The following CHN2 variants were observed in gnomAD, a reference collection of about 807,000 sequenced individuals.
CHN2 encodes the protein chimerin 2.
CHN2 carries 35 observed loss-of-function variants against 56.3 expected under a neutral mutation model. The ratio of observed to expected loss-of-function variants is 0.62; its 90% confidence interval spans 0.47 to 0.82. The LOEUF is 0.82. CHN2 is among the 40% of genes least tolerant of loss of function. The pLI, the probability that CHN2 is intolerant of heterozygous loss-of-function variation, is 0.00. For missense variants in CHN2, 491 were observed against 580.5 expected (o/e 0.85, Z 1.58); for synonymous variants, 210 against 212.8 (o/e 0.99, Z 0.12).
intron 6 of CHN2, among the ~76,000 whole-genome samples, chr7:29,406,168 G>A (rs1216578316): frequency 6.6e-6 from 1 of 152,222 alleles, no homozygotes; most frequent in African/African-American, 2.4e-5. Flanking sequence ...TTTGCAGCCT[G>A]TTTAAGCCTG....
chr7:29,169,805 C>A (rs6960856), intron 2 of CHN2, among the ~76,000 whole-genome samples: 2,375 of 151,610 alleles, frequency 0.016, 59 homozygotes, highest in African/African-American at 0.052. Context: ...TCCATGGCTA[C>A]CTGGCAGGGA....
chr7:29,341,357 A>G (rs1362448957), intron 1 of CHN2, among the ~76,000 whole-genome samples: 1 of 152,184 alleles, frequency 6.6e-6, no homozygotes, highest in Non-Finnish European at 1.5e-5. Context: ...CATTCTTGAT[A>G]TGAATTACTA....
At chr7:29,363,018 C>T (rs574863286) in intron 2 of CHN2, among the ~76,000 whole-genome samples, 1 of 152,306 alleles carries the variant, frequency 6.6e-6, no homozygotes, top group African/African-American at 2.4e-5. Flanking sequence ...GAAAAGTGAA[C>T]AGGATTCTCT....
chr7:29,171,825 AGTT>A (rs1414421046), intron 2 of CHN2, among the ~76,000 whole-genome samples: 1 of 152,314 alleles, frequency 6.6e-6, no homozygotes, highest in South Asian at 2.1e-4. Context: ...TAAGAAATGA[AGTT>A]GTTGTAGCTG....
At chr7:29,172,537 G>A (rs1796739263) in intron 2 of CHN2, among the ~76,000 whole-genome samples, 2 of 152,126 alleles carry the variant, frequency 1.3e-5, no homozygotes, top group African/African-American at 4.8e-5. Flanking sequence ...GATTTCCCTT[G>A]CAGTTGGGAA....
chr7:29,418,111 C>T lies in CHN2; in HGVS notation c.576+17283C>T, dbSNP rs1490000543. Among the ~76,000 whole-genome samples the T allele has an allele frequency of 2.6e-5, 4 of 152,200 alleles. No individual in the cohort carries two copies. In the East Asian group the frequency reaches 7.7e-4, roughly 29 times the overall value. ...TTGTTGGTTTTGAACGGTGCTATTT[C>T]CAAGACAAAATGAGCCTCCACGTCG... On this transcript the variant is annotated intron_variant, in intron 6 of 12. Transcript: ENST00000222792.
At chr7:29,265,916 C>T (rs1256287217) in intron 1 of CHN2, among the ~76,000 whole-genome samples, 4 of 152,182 alleles carry the variant, frequency 2.6e-5, no homozygotes, top group Non-Finnish European at 5.9e-5. Context: ...AGACCCAGTA[C>T]AGTAAGCTGA....
chr7:29,504,502 G>T (rs1055431835), intron 9 of CHN2, among the ~76,000 whole-genome samples: 15 of 152,146 alleles, frequency 9.9e-5, no homozygotes, highest in Admixed American at 9.8e-4. Context: ...GCAAAGCAGG[G>T]AAGGATGAAG....
chr7:29,177,654 A>G (rs766768409), intron 2 of CHN2, among the ~76,000 whole-genome samples: 5 of 148,298 alleles, frequency 3.4e-5, no homozygotes, highest in African/African-American at 7.5e-5. Context: ...CTGTCCATCT[A>G]TTAATATCTA....
At chr7:29,363,036 G>A (rs988938080) in intron 2 of CHN2, among the ~76,000 whole-genome samples, 1 of 152,222 alleles carries the variant, frequency 6.6e-6, no homozygotes, top group African/African-American at 2.4e-5. Context: ...TCTCGCTGTG[G>A]ATTCTATAGT....
chr7:29,200,224 A>C (rs1784042084), intron 1 of CHN2: 1 of 152,164 alleles, frequency 6.6e-6, no homozygotes, highest in African/African-American at 2.4e-5. Flanking sequence ...TCTTTTATGA[A>C]TGTATGTATT....
At chr7:29,349,866 A>G (rs1797747122) in intron 1 of CHN2, among the ~76,000 whole-genome samples, 1 of 152,102 alleles carries the variant, frequency 6.6e-6, no homozygotes, top group African/African-American at 2.4e-5. Context: ...TATTTCTTCA[A>G]AATGTTTAAC....
chr7:29,301,488 A>G (rs1793658060), intron 1 of CHN2, among the ~76,000 whole-genome samples: 1 of 151,992 alleles, frequency 6.6e-6, no homozygotes, highest in South Asian at 2.1e-4. Flanking sequence ...TTGTGTCCTG[A>G]ACGCTGGATG....
chr7:29,331,394 G>A (rs1796199441), intron 1 of CHN2, among the ~76,000 whole-genome samples: 1 of 152,226 alleles, frequency 6.6e-6, no homozygotes, highest in Non-Finnish European at 1.5e-5. Flanking sequence ...CCTGGGGACG[G>A]CTAGAGCCAC....
intron 1 of CHN2, among the ~76,000 whole-genome samples, chr7:29,246,074 G>A (rs947021074): frequency 2.6e-5 from 4 of 152,148 alleles, no homozygotes; most frequent in African/African-American, 4.8e-5. Flanking sequence ...AACATCCATA[G>A]AGCACTTGGC....
chr7:29,355,589 A>T (rs1332901145), intron 2 of CHN2, among the ~76,000 whole-genome samples: 2 of 151,638 alleles, frequency 1.3e-5, no homozygotes, highest in African/African-American at 4.8e-5. Context: ...TGGTAGGAGG[A>T]GCCCACTGTG....
chr7:29,418,719 G>C (rs569078754), intron 6 of CHN2, among the ~76,000 whole-genome samples: 11 of 152,282 alleles, frequency 7.2e-5, no homozygotes, highest in African/African-American at 2.6e-4. Context: ...GAGGTGGAAA[G>C]ACCAGGACTC....
intron 6 of CHN2, among the ~76,000 whole-genome samples, chr7:29,464,168 C>T (rs1017882695): frequency 2.0e-5 from 3 of 152,066 alleles, no homozygotes; most frequent in Admixed American, 2.0e-4. Context: ...TTTATTGAGC[C>T]CTTATTTTGT....
intron 9 of CHN2, among the ~76,000 whole-genome samples, chr7:29,503,428 T>C (rs964884351): frequency 2.6e-5 from 4 of 152,158 alleles, no homozygotes; most frequent in Non-Finnish European, 5.9e-5. Flanking sequence ...GCAGTGCATG[T>C]TCCAACTGGA....
Sources: gnomAD v4.1 joint callset for allele counts (sites outside exome capture counted in the v4.1 genomes callset) on GRCh38, gnomAD v4.1.1 for gene constraint, MANE v1.5 for transcripts, NCBI Gene and HGNC (gene_info 2026-07-23, HGNC 2026-07-21) for gene names.